PEX14: variants seen among roughly 807,000 people sequenced by gnomAD.
The protein encoded by PEX14 is peroxisomal membrane protein PEX14.
PEX14 carries 15 observed loss-of-function variants against 49.5 expected under a neutral mutation model. The observed-to-expected ratio is 0.30, with a 90% CI of 0.20 to 0.47. The LOEUF is 0.47. PEX14 is among the 20% of genes least tolerant of loss of function. The probability of loss-of-function intolerance (pLI) is 1.00; values close to 1 mark genes in which losing one functional copy is unlikely to be tolerated. For missense variants in PEX14, 398 were observed against 494.8 expected, an observed-to-expected ratio of 0.80 and a Z score of 1.86; for synonymous variants, 210 against 212.7, an observed-to-expected ratio of 0.99 and a Z score of 0.11.
At position 10,511,951 on chromosome 1, in the gene PEX14, T is replaced by C. The variant is rs554116875; in HGVS notation, c.84+16630T>C. Among the ~76,000 whole-genome samples, 9 of 152,110 alleles carry C rather than the reference T, an allele frequency of 5.9e-5. 1 individual carries two copies. In the South Asian group the frequency reaches 1.9e-3, roughly 32 times the overall value. The stretch of plus-strand genomic sequence containing the variant: ...GCTCAGTCTTATGGCTTAGGTGGGG[T>C]GTTGAGTCTAAATATATATATTTTT... On this transcript the variant is annotated intron_variant, in intron 2 of 8. Coordinates refer to ENST00000356607, the MANE Select transcript of PEX14 (RefSeq NM_004565.3).
intron 3 of PEX14, among the ~76,000 whole-genome samples, chr1:10,579,128 C>T (rs940836358): frequency 6.6e-5 from 10 of 151,882 alleles, no homozygotes; most frequent in African/African-American, 2.4e-4. Flanking sequence ...AAAATTGCAT[C>T]GAGGTGTATC....
rs540407320 is a variant in PEX14, at chr1:10,572,663, T to A, written c.170-26575T>A. Among the ~76,000 whole-genome samples, 877 of 145,612 alleles carry A rather than the reference T, an allele frequency of 6.0e-3. 8 individuals carry two copies. The highest frequency in any genetic ancestry group is 8.8e-3 in the Non-Finnish European group (576 of 65,786). Reference sequence around the variant, plus strand: ...CATTCTCCTGTCTTAGCCTCCCGAGTAGCTGGGACTATAGGCGCCCCCCCC... The same window carrying A: ...CATTCTCCTGTCTTAGCCTCCCGAGAAGCTGGGACTATAGGCGCCCCCCCC... On this transcript the variant is annotated intron_variant, in intron 3 of 8. Coordinates refer to ENST00000356607, the MANE Select transcript of PEX14 (RefSeq NM_004565.3).
Position 10,613,749 on chromosome 1 carries a change from A to G in PEX14, c.299-4583A>G, listed in dbSNP as rs1222288634. 2.6e-5 allele frequency among the ~76,000 whole-genome samples: 4 copies of G among 152,116 alleles called. No homozygotes were observed. Among genetic ancestry groups the G allele is most frequent in the African/African-American group, 9.7e-5 (4 of 41,402 alleles). On this transcript the variant is annotated intron_variant, in intron 4 of 8. Transcript: ENST00000356607. This position sits in a 1 kb window ranked among gnomAD's most constrained non-coding sequence, Gnocchi z 5.0. ...TTCAGTCAGTGCTTGATAAGAAGAG[A>G]AAAATGTCCTTGGAACCCCCCTGGC...
chr1:10,493,319 G>A (rs545721486), intron 1 of PEX14, among the ~76,000 whole-genome samples: 4 of 152,310 alleles, frequency 2.6e-5, no homozygotes, highest in South Asian at 2.1e-4. Context: ...TTGGAAGAGC[G>A]CCAGCACTGA....
intron 2 of PEX14, among the ~76,000 whole-genome samples, chr1:10,509,378 A>C (rs1641845583): frequency 6.6e-6 from 1 of 152,206 alleles, no homozygotes; most frequent in Admixed American, 6.5e-5. Context: ...GTGGTTTATA[A>C]TTTCTGTTTA....
chr1:10,535,610 G>T (rs1638776160), intron 2 of PEX14, among the ~76,000 whole-genome samples: 1 of 152,182 alleles, frequency 6.6e-6, no homozygotes, highest in South Asian at 2.1e-4. Context: ...TAGTTGGGGA[G>T]GCAGGCTGAA....
rs201545377 is a variant in PEX14, at chr1:10,618,316, C to T, written c.299-16C>T. 4.4e-3 allele frequency: 7,104 copies of T among 1,611,066 alleles called. 20 individuals carry two copies. Among genetic ancestry groups the T allele is most frequent in the Non-Finnish European group, 5.6e-3 (6,608 of 1,177,610 alleles). On this transcript the variant is annotated splice_polypyrimidine_tract_variant and intron_variant, in intron 4 of 8. Coordinates refer to ENST00000356607, the MANE Select transcript of PEX14 (RefSeq NM_004565.3). Reference sequence around the variant, plus strand: ...CCATGTGCGTCTTCTAACCCTCCTCCTCTTCCCGCCTGTAGGTCCCGCAGG... The same window carrying T: ...CCATGTGCGTCTTCTAACCCTCCTCTTCTTCCCGCCTGTAGGTCCCGCAGG...
chr1:10,477,747 A>G lies in PEX14; in HGVS notation c.36+2745A>G, dbSNP rs145012331. Among the ~76,000 whole-genome samples, 36 of 152,350 alleles carry G rather than the reference A, an allele frequency of 2.4e-4. No individual in the cohort carries two copies. In the East Asian group the frequency reaches 4.4e-3, roughly 19 times the overall value. On this transcript the variant is annotated intron_variant, in intron 1 of 8. Coordinates refer to ENST00000356607, the MANE Select transcript of PEX14 (RefSeq NM_004565.3). ...CTAAAGCCAGACCCACTGGCTTGGAATCCTAACTCCACTAACTTACCAGCA... is the reference window on the plus strand; with the variant it reads ...CTAAAGCCAGACCCACTGGCTTGGAGTCCTAACTCCACTAACTTACCAGCA...
In PEX14 at chr1:10,623,280, G is replaced by C; in HGVS notation, c.487+159G>C. Reference sequence around the variant, plus strand: ...TTGCAAATGAAGCCGCCGTCATTTCGGTTTAATTTGAAATTGCTTGTTTAC... The same window carrying C: ...TTGCAAATGAAGCCGCCGTCATTTCCGTTTAATTTGAAATTGCTTGTTTAC... On this transcript the variant is annotated intron_variant, in intron 6 of 8. Transcript: ENST00000356607. The surrounding 1 kb of genome is among the most constrained non-coding windows in gnomAD (Gnocchi z 4.4). The C allele has an allele frequency of 1.5e-6, 1 of 654,416 alleles. No homozygotes were observed. Among genetic ancestry groups the C allele is most frequent in the East Asian group, 2.8e-5 (1 of 35,194 alleles). The allele number at this position is 654,416 out of a possible 1,614,324, so 40.5% of individuals were successfully genotyped here. A position where few individuals can be genotyped will look rare whatever the true frequency, so the allele number is the denominator to read the frequency against.
intron 3 of PEX14, among the ~76,000 whole-genome samples, chr1:10,590,419 C>T (rs1640629803): frequency 6.6e-6 from 1 of 152,046 alleles, no homozygotes; most frequent in African/African-American, 2.4e-5. Flanking sequence ...GTGTGCTTTT[C>T]TTTATTTTCC....
At chr1:10,482,817 G>A (rs1293633176) in intron 1 of PEX14, among the ~76,000 whole-genome samples, 1 of 152,168 alleles carries the variant, frequency 6.6e-6, no homozygotes, top group Non-Finnish European at 1.5e-5. Flanking sequence ...ACCTGTACGT[G>A]TCTTTTTGTG....
intron 1 of PEX14, among the ~76,000 whole-genome samples, chr1:10,488,208 T>C (rs955810986): frequency 1.3e-5 from 2 of 152,090 alleles, no homozygotes; most frequent in African/African-American, 4.8e-5. Flanking sequence ...AATTTGTCCT[T>C]ATCATTTCAG....
rs61776272 is a variant in PEX14, at chr1:10,601,694, G to A, written c.298+2328G>A. On this transcript the variant is annotated intron_variant, in intron 4 of 8. Transcript: ENST00000356607. ...GCTACTGGGTTAGCACCTGTGACTT[G>A]TCAGCTTGGGGCTCCTTTCTCCTTC... 3.8e-3 allele frequency among the ~76,000 whole-genome samples: 581 copies of A among 152,364 alleles called. 3 individuals are homozygous for A. The highest frequency in any genetic ancestry group is 0.013 in the African/African-American group (528 of 41,590).
At chr1:10,600,825 T>C (rs1245043791) in intron 4 of PEX14, among the ~76,000 whole-genome samples, 1 of 151,938 alleles carries the variant, frequency 6.6e-6, no homozygotes, top group Non-Finnish European at 1.5e-5. Flanking sequence ...AAAAAATGAT[T>C]TAAAACTGTT....
intron 3 of PEX14, among the ~76,000 whole-genome samples, chr1:10,591,744 CG>C (rs1311584749): frequency 6.6e-6 from 1 of 151,104 alleles, no homozygotes; most frequent in Non-Finnish European, 1.5e-5. Flanking sequence ...TTTCTTCTTT[CG>C]GGGGTGTTAA....
intron 1 of PEX14, among the ~76,000 whole-genome samples, chr1:10,484,958 G>A (rs1346078133): frequency 6.6e-6 from 1 of 151,720 alleles, no homozygotes; most frequent in Non-Finnish European, 1.5e-5. Flanking sequence ...CGTACATGCT[G>A]TCACCTTTGC....
At chr1:10,534,943 A>C (rs1182771774) in intron 2 of PEX14, among the ~76,000 whole-genome samples, 1 of 152,156 alleles carries the variant, frequency 6.6e-6, no homozygotes, top group Non-Finnish European at 1.5e-5. Flanking sequence ...CATTCATATA[A>C]AATATGGGGA....
At chr1:10,519,951 T>TTTG (rs1001880195) in intron 2 of PEX14, among the ~76,000 whole-genome samples, 1 of 151,870 alleles carries the variant, frequency 6.6e-6, no homozygotes, top group Non-Finnish European at 1.5e-5. Context: ...ATTTGAAATT[T>TTTG]TTGTTGTTGT....
chr1:10,562,703 C>A (rs1351007529), intron 3 of PEX14, among the ~76,000 whole-genome samples: 1 of 152,200 alleles, frequency 6.6e-6, no homozygotes, highest in African/African-American at 2.4e-5. Context: ...AGTTTCTCCA[C>A]TGCAGAGTTA....
Sources: gnomAD v4.1 joint callset for allele counts (sites outside exome capture counted in the v4.1 genomes callset) on GRCh38, gnomAD v4.1.1 for gene constraint, Gnocchi (gnomAD v3.1) non-coding constraint, MANE v1.5 for transcripts, NCBI Gene and HGNC (gene_info 2026-07-23, HGNC 2026-07-21) for gene names.